Variants in ARHGEF18 observed in about 807,000 individuals in gnomAD.
The protein encoded by ARHGEF18 is Rho/Rac guanine nucleotide exchange factor 18.
In ARHGEF18, 93 loss-of-function variants were observed where a neutral mutation model predicts 155.7. The observed-to-expected ratio is 0.60, with a 90% CI of 0.50 to 0.71. ARHGEF18 has a LOEUF of 0.71. ARHGEF18 is among the 30% of genes least tolerant of loss of function. The probability of loss-of-function intolerance (pLI) is 0.00; values close to 1 mark genes in which losing one functional copy is unlikely to be tolerated. For missense variants in ARHGEF18, 1,593 were observed against 1,816.1 expected (o/e 0.88, Z 2.23); for synonymous variants, 742 against 753.1 (o/e 0.99, Z 0.24).
Position 7,468,960 on chromosome 19 carries a change from G to A in ARHGEF18, c.3616G>A (p.Glu1206Lys), listed in dbSNP as rs757051395. 15 of 1,585,866 alleles carry A rather than the reference G, an allele frequency of 9.5e-6. 1 individual carries two copies. The highest frequency in any genetic ancestry group is 3.4e-5 in the South Asian group (3 of 87,348). ...GGCTCGCCGGGACAGCGCCCCCACC[G>A]AGAACCGGCTGGCCAAGAGCGATGT... ...EVARRDSAPT[E>K]NRLAKSDVPI... The change falls in exon 27 of 29, where the codon GAG (glutamate) becomes AAG (lysine). Residue 1206 changes from glutamate to lysine, a missense_variant. By Grantham distance (56) the Glu-to-Lys change is moderately conservative. Coordinates refer to ENST00000668164, the MANE Select transcript of ARHGEF18 (RefSeq NM_001367823.1).
At chr19:7,439,581 C>G in intron 10 of ARHGEF18, 1 of 687,178 alleles carries the variant, frequency 1.5e-6, no homozygotes. Flanking sequence ...GTTTGCAGCC[C>G]CTGTTGATGT....
chr19:7,375,667 C>G, intron 3 of ARHGEF18, 53 bp from the exon 4 acceptor site: 1 of 1,233,044 alleles, frequency 8.1e-7, no homozygotes. Flanking sequence ...CCTGGGGCAG[C>G]AGCCAGGTGG....
chr19:7,440,144 G>T lies in ARHGEF18; in HGVS notation c.968-200G>T, dbSNP rs559165201. 2 of 1,551,240 alleles carry T rather than the reference G, an allele frequency of 1.3e-6. No homozygotes were observed. The highest frequency in any genetic ancestry group is 1.2e-5 in the South Asian group (1 of 84,064). The stretch of plus-strand genomic sequence containing the variant: ...CCAAAAGCGGGGACAGGCACAGCGC[G>T]CTCCCCGGCCGCCCCGAGCTGTCTT... On this transcript the variant is annotated intron_variant, in intron 10 of 28. Coordinates refer to ENST00000668164, the MANE Select transcript of ARHGEF18 (RefSeq NM_001367823.1). The surrounding 1 kb of genome is among the most constrained non-coding windows in gnomAD (Gnocchi z 5.4).
chr19:7,423,835 C>T (rs11260077), intron 10 of ARHGEF18, among the ~76,000 whole-genome samples: 45,961 of 151,480 alleles, frequency 0.3, 7,439 homozygotes, highest in Middle Eastern at 0.54. Flanking sequence ...CGCATCCCTA[C>T]ACTTGGGAAA....
intron 10 of ARHGEF18, among the ~76,000 whole-genome samples, chr19:7,422,800 T>TCTCCAC (rs1973440963): frequency 1.4e-5 from 2 of 146,998 alleles, no homozygotes; most frequent in Non-Finnish European, 3.0e-5. Context: ...CTCACTGCAG[T>TCTCCAC]CTCCACCTCC....
At chr19:7,390,253 T>A (rs1394814373) in intron 10 of ARHGEF18, among the ~76,000 whole-genome samples, 1 of 152,082 alleles carries the variant, frequency 6.6e-6, no homozygotes, top group African/African-American at 2.4e-5. Context: ...ACACCTGTAA[T>A]CCCAGCACTT....
At chr19:7,453,364 G>A (rs1359377450) in intron 16 of ARHGEF18, 103 bp from the exon 17 acceptor site, 3 of 1,371,798 alleles carry the variant, frequency 2.2e-6, no homozygotes, top group African/African-American at 2.1e-5. Flanking sequence ...TACATAGTGT[G>A]TCCACACACC....
intron 10 of ARHGEF18, among the ~76,000 whole-genome samples, chr19:7,429,808 C>T (rs948512260): frequency 3.3e-5 from 5 of 152,112 alleles, no homozygotes; most frequent in East Asian, 1.9e-4. Context: ...ATGCATGCCA[C>T]GGAGAGGGTG....
rs908051002 is a variant in ARHGEF18 at position 7,451,331 on chromosome 19, C to T, written c.1855+65C>T. Reference sequence around the variant, plus strand: ...GCAGCACAGGGCTCTCTCCGTGTACCCACTCCCTATTTGAGCAGCAAACTG... The same window carrying T: ...GCAGCACAGGGCTCTCTCCGTGTACTCACTCCCTATTTGAGCAGCAAACTG... On this transcript the variant is annotated intron_variant, in intron 16 of 28. Transcript: ENST00000668164. 27 of 1,383,446 alleles carry T rather than the reference C, an allele frequency of 2.0e-5. No homozygotes were observed. The African/African-American group carries it at 3.6e-4, about 18-fold the overall frequency. The allele number at this position is 1,383,446 out of a possible 1,614,324, so 85.7% of individuals were successfully genotyped here. A position where few individuals can be genotyped will look rare whatever the true frequency, so the allele number is the denominator to read the frequency against.
chr19:7,414,060 A>C (rs1364629936), intron 10 of ARHGEF18, among the ~76,000 whole-genome samples: 3 of 152,138 alleles, frequency 2.0e-5, no homozygotes, highest in Non-Finnish European at 4.4e-5. Flanking sequence ...AGGGTTTCCC[A>C]GCCTAGATAC....
At chr19:7,414,448 G>A (rs969458084) in intron 10 of ARHGEF18, among the ~76,000 whole-genome samples, 6 of 151,770 alleles carry the variant, frequency 4.0e-5, no homozygotes, top group Admixed American at 1.3e-4. Flanking sequence ...AGGCCAAGGC[G>A]GGCAGATCAC....
In ARHGEF18 at chr19:7,470,883, C is replaced by T. The variant is rs1976986471; in HGVS notation, c.*585C>T. The T allele has an allele frequency of 5.0e-6, 2 of 401,154 alleles. No individual in the cohort carries two copies. Among genetic ancestry groups the T allele is most frequent in the African/African-American group, 4.1e-5 (2 of 48,714 alleles). The allele number at this position is 401,154 out of a possible 1,614,324, so 24.8% of individuals were successfully genotyped here. On this transcript the variant is annotated 3_prime_UTR_variant, in exon 29 of 29. Transcript: ENST00000668164. The surrounding 1 kb of genome is among the most constrained non-coding windows in gnomAD (Gnocchi z 5.9). ...TGAACCTCAGGGTCAGGGAATGAGC[C>T]AGGCACGGGGGCATGGGCAGAGAGG...
chr19:7,451,135 T>G lies in ARHGEF18; in HGVS notation c.1738-14T>G, dbSNP rs758258091. The G allele has an allele frequency of 3.2e-6, 5 of 1,582,388 alleles. No individual in the cohort carries two copies. Among genetic ancestry groups the G allele is most frequent in the East Asian group, 4.6e-5 (2 of 43,770 alleles). ...CTGAGATGTTAATACAGGATCTTGC[T>G]TTCTGTTTCCTAGAAAATTGGCAAC... On this transcript the variant is annotated splice_polypyrimidine_tract_variant and intron_variant, in intron 15 of 28. Coordinates refer to ENST00000668164, the MANE Select transcript of ARHGEF18 (RefSeq NM_001367823.1).
chr19:7,350,291 CTGG>C (rs1282170834), intron 1 of ARHGEF18, among the ~76,000 whole-genome samples: 1 of 152,208 alleles, frequency 6.6e-6, no homozygotes, highest in Non-Finnish European at 1.5e-5. Context: ...GAGTGGACAG[CTGG>C]GGCCAGAGAG....
intron 10 of ARHGEF18, among the ~76,000 whole-genome samples, chr19:7,435,981 A>G (rs1387313072): frequency 6.6e-6 from 1 of 152,028 alleles, no homozygotes; most frequent in Non-Finnish European, 1.5e-5. Flanking sequence ...CTACTGGCAC[A>G]CACCAACATG....
chr19:7,477,837 C>T, the ARHGEF18 span, among the ~76,000 whole-genome samples: 1 of 152,132 alleles, frequency 6.6e-6, no homozygotes, highest in African/African-American at 2.4e-5. Context: ...GCCAATATGG[C>T]GAGACCCCAT....
chr19:7,425,537 C>T lies in ARHGEF18; in HGVS notation c.968-14807C>T, dbSNP rs557782493. On this transcript the variant is annotated intron_variant, in intron 10 of 28. Coordinates refer to ENST00000668164, the MANE Select transcript of ARHGEF18 (RefSeq NM_001367823.1). ...TCTCTACTAAAAATACAAAAATTAG[C>T]CAGGCATGGTGGCGGGTGCCTGTAA... Among the ~76,000 whole-genome samples, 5 of 151,884 alleles carry T rather than the reference C, an allele frequency of 3.3e-5. No homozygotes were observed. The South Asian group carries it at 1.0e-3, about 32-fold the overall frequency.
At chr19:7,416,577 G>GTGT (rs1803473812) in intron 10 of ARHGEF18, among the ~76,000 whole-genome samples, 1 of 130,200 alleles carries the variant, frequency 7.7e-6, no homozygotes, top group African/African-American at 3.2e-5. Context: ...GTGTGTGTGT[G>GTGT]TTTTGGGGTG....
At chr19:7,441,808 G>A (rs767743578) in intron 12 of ARHGEF18, 43 bp downstream of exon 12, 81 of 1,613,342 alleles carry the variant, frequency 5.0e-5, no homozygotes, top group East Asian at 8.9e-5. Flanking sequence ...CACAGTTCCT[G>A]TCTCTCCTGG....
Sources: gnomAD v4.1 joint callset for allele counts (sites outside exome capture counted in the v4.1 genomes callset) on GRCh38, gnomAD v4.1.1 for gene constraint, Gnocchi (gnomAD v3.1) non-coding constraint, MANE v1.5 for transcripts, NCBI Gene and HGNC (gene_info 2026-07-23, HGNC 2026-07-21) for gene names.